Variants in NEIL3 observed in about 807,000 individuals in gnomAD.
NEIL3 encodes nei like DNA glycosylase 3, also known as endonuclease 8-like 3.
A neutral mutation model predicts 57.5 loss-of-function variants in NEIL3; 48 were observed. That is an observed-to-expected ratio of 0.83 (90% CI 0.66 to 1.06). NEIL3 has a LOEUF of 1.06. Ranked by LOEUF, NEIL3 falls within the 50% of genes least tolerant of loss-of-function variation. The probability of loss-of-function intolerance (pLI) is 0.00; values close to 1 mark genes in which losing one functional copy is unlikely to be tolerated. For synonymous variants in NEIL3, 261 were observed against 253.2 expected (o/e 1.03, Z -0.29); for missense variants, 717 against 739.1 (o/e 0.97, Z 0.35).
chr4:177,370,108 G>C, the NEIL3 span, among the ~76,000 whole-genome samples: 2 of 152,146 alleles, frequency 1.3e-5, no homozygotes, highest in South Asian at 4.1e-4. Flanking sequence ...AAAAGTATTT[G>C]GAAGAGATGC....
downstream of NEIL3, among the ~76,000 whole-genome samples, chr4:177,364,955 T>C (rs186173385): frequency 1.2e-4 from 18 of 151,020 alleles, no homozygotes; most frequent in Admixed American, 4.6e-4. Flanking sequence ...TGAGCCAAGA[T>C]ATTATCTGCC....
At chr4:177,334,099 A>T (rs1401933405) in intron 2 of NEIL3, among the ~76,000 whole-genome samples, 1 of 151,988 alleles carries the variant, frequency 6.6e-6, no homozygotes, top group African/African-American at 2.4e-5. Context: ...ATGAAACCCT[A>T]AAAATGTCTT....
downstream of NEIL3, among the ~76,000 whole-genome samples, chr4:177,367,879 C>G (rs542480337): frequency 6.6e-6 from 1 of 152,162 alleles, no homozygotes; most frequent in Non-Finnish European, 1.5e-5. Context: ...TCACTTAATT[C>G]TCTTGACCAC....
At chr4:177,349,059 T>C (rs1735296210) in intron 6 of NEIL3, among the ~76,000 whole-genome samples, 2 of 144,134 alleles carry the variant, frequency 1.4e-5, no homozygotes, top group South Asian at 4.6e-4. Flanking sequence ...TTTTTTTGTA[T>C]TTTTAGTAGA....
chr4:177,335,785 G>A lies in NEIL3; in HGVS notation c.376G>A (p.Asp126Asn). Residue 126 changes from aspartate (D) to asparagine (N), a missense_variant, in exon 3 of 10, where the codon GAT becomes AAT. Transcript: ENST00000264596. Reference sequence around the variant, plus strand: ...TGTTTTGGAAGTGCAGCTCACCAAAGATTTGATTTGTTTCTTTGACTCATC... The same window carrying A: ...TGTTTTGGAAGTGCAGCTCACCAAAAATTTGATTTGTTTCTTTGACTCATC... ...SPVLEVQLTK[D>N]LICFFDSSVE... The A allele has an allele frequency of 3.8e-6, 6 of 1,580,554 alleles. No homozygotes were observed. Among genetic ancestry groups the A allele is most frequent in the Non-Finnish European group, 4.3e-6 (5 of 1,167,838 alleles).
At chr4:177,326,499 C>T (rs1057249660) in intron 2 of NEIL3, among the ~76,000 whole-genome samples, 29 of 151,374 alleles carry the variant, frequency 1.9e-4, no homozygotes, top group African/African-American at 7.0e-4. Flanking sequence ...TAGTGTCAGT[C>T]GTCTGACTTT....
At chr4:177,323,800 T>C (rs1734731806) in intron 2 of NEIL3, among the ~76,000 whole-genome samples, 2 of 152,150 alleles carry the variant, frequency 1.3e-5, no homozygotes, top group South Asian at 4.1e-4. Context: ...GAGGGGGTTT[T>C]TATCAAGTGC....
chr4:177,322,074 C>T (rs1734695736), intron 1 of NEIL3, among the ~76,000 whole-genome samples: 1 of 152,204 alleles, frequency 6.6e-6, no homozygotes, highest in Non-Finnish European at 1.5e-5. Flanking sequence ...TCTGACCACT[C>T]TTTCAGGGAA....
At chr4:177,366,730 A>C (rs1291687329), downstream of NEIL3, among the ~76,000 whole-genome samples, 2 of 152,072 alleles carry the variant, frequency 1.3e-5, no homozygotes, top group Non-Finnish European at 1.5e-5. Context: ...TACTCTTCCT[A>C]TTCTTCTGAG....
chr4:177,326,528 A>C (rs1466007270), intron 2 of NEIL3, among the ~76,000 whole-genome samples: 8 of 150,920 alleles, frequency 5.3e-5, no homozygotes, highest in Admixed American at 2.0e-4. Context: ...TTTTTTTCAA[A>C]ATTGTTTTTG....
At chr4:177,347,284 T>G (rs142888010) in intron 6 of NEIL3, among the ~76,000 whole-genome samples, 41 of 152,096 alleles carry the variant, frequency 2.7e-4, no homozygotes, top group African/African-American at 7.7e-4. Flanking sequence ...AAAGAAGGCA[T>G]GTATGACTGA....
At position 177,309,878 on chromosome 4, in the gene NEIL3, C is replaced by T. The variant is rs1012776672; in HGVS notation, c.-76C>T. ...GAATTTCCTCTGCGTGCGGTCAGTGCCCGCGCAGCGTTGAGTTGCACAGCG... is the reference window on the plus strand; with the variant it reads ...GAATTTCCTCTGCGTGCGGTCAGTGTCCGCGCAGCGTTGAGTTGCACAGCG... On this transcript the variant is annotated 5_prime_UTR_variant, in exon 1 of 10. Coordinates refer to ENST00000264596, the MANE Select transcript of NEIL3 (RefSeq NM_018248.3). The T allele has an allele frequency of 3.9e-6, 6 of 1,523,236 alleles. No individual in the cohort carries two copies. Among genetic ancestry groups the T allele is most frequent in the Admixed American group, 2.2e-5 (1 of 45,572 alleles). 94.4% of individuals were successfully genotyped at this position (1,523,236 alleles called of 1,614,324 possible).
chr4:177,353,340 G>A lies in NEIL3; in HGVS notation c.1072G>A (p.Val358Ile). 5.0e-6 allele frequency: 8 copies of A among 1,613,444 alleles called. No homozygotes were observed. Among genetic ancestry groups the A allele is most frequent in the Non-Finnish European group, 5.1e-6 (6 of 1,179,858 alleles). The change falls in exon 8 of 10, where the codon GTC becomes ATC. Residue 358 changes from valine (V) to isoleucine (I), a missense_variant. By Grantham distance (29) the Val-to-Ile change is conservative. Coordinates refer to ENST00000264596, the MANE Select transcript of NEIL3 (RefSeq NM_018248.3). ...SVLKSEENSTVFSHLMKYPCN... is the reference protein window; with the variant it reads ...SVLKSEENSTIFSHLMKYPCN... ...GCTCAAGAGTGAAGAAAATTCTACT[G>A]TCTTTAGCCACTTAATGAAGTACCC... is the stretch of plus-strand genomic sequence containing the variant.
At chr4:177,366,605 G>A (rs1161357997), downstream of NEIL3, among the ~76,000 whole-genome samples, 1 of 152,134 alleles carries the variant, frequency 6.6e-6, no homozygotes, top group Non-Finnish European at 1.5e-5. Flanking sequence ...CGTCATGTTG[G>A]CCAGGCTGGT....
chr4:177,353,449 A>AT lies in NEIL3; in HGVS notation c.1185dup (p.Ser396Ter). The stretch of plus-strand genomic sequence containing the variant: ...GGAACTACAACTCTTGTCTTGACTG[A>AT]TTTTAGCAATAAATCCAGTACTTTG... On this transcript the variant is annotated frameshift_variant, in exon 8 of 10. Transcript: ENST00000264596. LOFTEE classifies it high-confidence loss of function. 6.2e-7 allele frequency: 1 copy of AT among 1,613,994 alleles called. No homozygotes were observed. Among genetic ancestry groups the AT allele is most frequent in the Admixed American group, 1.7e-5 (1 of 60,016 alleles).
rs35370036 is a variant in NEIL3, at chr4:177,341,459, GTT to G, written c.703-4_703-3del. ...GTTTTGTGGATAACAGAATTTTTTG[GTT>G]TTTTTTTTTTTTAGTGCCGTAAAGC... On this transcript the variant is annotated splice_polypyrimidine_tract_variant and intron_variant, in intron 5 of 9. Transcript: ENST00000264596. The G allele has an allele frequency of 7.4e-3, 10,472 of 1,410,654 alleles. No homozygotes were observed. Among genetic ancestry groups the G allele is most frequent in the South Asian group, 0.015 (1,064 of 72,600 alleles). 87.4% of individuals were successfully genotyped at this position (1,410,654 alleles called of 1,614,324 possible). A position where few individuals can be genotyped will look rare whatever the true frequency, so the allele number is the denominator to read the frequency against.
At chr4:177,321,039 A>G (rs1428617046) in intron 1 of NEIL3, among the ~76,000 whole-genome samples, 1 of 151,146 alleles carries the variant, frequency 6.6e-6, no homozygotes, top group African/African-American at 2.4e-5. Context: ...AGACCAATTT[A>G]GTGAAATAAA....
At chr4:177,357,286 A>G (rs1462628189) in intron 8 of NEIL3, among the ~76,000 whole-genome samples, 1 of 152,204 alleles carries the variant, frequency 6.6e-6, no homozygotes, top group Non-Finnish European at 1.5e-5. Flanking sequence ...TTGTCCAACC[A>G]TAGGCTTGTG....
At chr4:177,354,582 G>T (rs972465605) in intron 8 of NEIL3, among the ~76,000 whole-genome samples, 1 of 151,988 alleles carries the variant, frequency 6.6e-6, no homozygotes, top group Non-Finnish European at 1.5e-5. Flanking sequence ...GTGGCGTTTT[G>T]CTCTTGTCGC....
Sources: allele counts gnomAD v4.1 joint callset (sites outside exome capture counted in the v4.1 genomes callset), GRCh38; gene constraint gnomAD v4.1.1; transcripts MANE v1.5; gene names NCBI Gene and HGNC (gene_info 2026-07-23, HGNC 2026-07-21).